SH3D19: variants seen among roughly 807,000 people sequenced by gnomAD.
SH3D19 encodes the protein SH3 domain-containing protein 19.
Under a neutral mutation model 112.1 loss-of-function variants are expected in SH3D19, and 58 were observed. The observed-to-expected ratio is 0.52, with a 90% CI of 0.42 to 0.64. The LOEUF is 0.64. Among genes scored for constraint, SH3D19 ranks in the 30% least tolerant of loss-of-function variants. The pLI is 0.00. For synonymous variants in SH3D19, 391 were observed against 448.5 expected (o/e 0.87, Z 1.62); for missense variants, 1,090 against 1,263.4 (o/e 0.86, Z 2.08).
chr4:151,302,899 A>G (rs1399820709), intron 1 of SH3D19, among the ~76,000 whole-genome samples: 1 of 152,194 alleles, frequency 6.6e-6, no homozygotes, highest in Non-Finnish European at 1.5e-5. Context: ...GGATAGCATT[A>G]GGAGATATAC....
At chr4:151,181,194 G>A (rs1342980283) in intron 3 of SH3D19, among the ~76,000 whole-genome samples, 1 of 152,122 alleles carries the variant, frequency 6.6e-6, no homozygotes, top group Non-Finnish European at 1.5e-5. Context: ...ATTTTAACCA[G>A]TTGCTTTCAT....
chr4:151,193,235 T>C, intron 2 of SH3D19, among the ~76,000 whole-genome samples: 1 of 152,106 alleles, frequency 6.6e-6, no homozygotes, highest in Admixed American at 6.6e-5. Flanking sequence ...GCACATCTTA[T>C]CAAAAGTGTC....
At chr4:151,161,655 T>C (rs1220604824) in intron 8 of SH3D19, among the ~76,000 whole-genome samples, 1 of 150,072 alleles carries the variant, frequency 6.7e-6, no homozygotes. Context: ...AATTATACTT[T>C]AAGTTCTAGG....
chr4:151,311,673 T>C (rs1729471590), intron 1 of SH3D19, among the ~76,000 whole-genome samples: 1 of 152,018 alleles, frequency 6.6e-6, no homozygotes, highest in Non-Finnish European at 1.5e-5. Flanking sequence ...ACCCTATCTC[T>C]ACAAAAAATT....
chr4:151,286,982 A>AATT (rs1554067296), intron 1 of SH3D19, among the ~76,000 whole-genome samples: 9 of 141,834 alleles, frequency 6.3e-5, no homozygotes, highest in Non-Finnish European at 1.2e-4. Context: ...TCTGTCTCAA[A>AATT]AATAATAATA....
intron 1 of SH3D19, among the ~76,000 whole-genome samples, chr4:151,280,805 G>A (rs1301848725): frequency 6.6e-6 from 1 of 151,066 alleles, no homozygotes; most frequent in Non-Finnish European, 1.5e-5. Context: ...AAAAAATTAA[G>A]TTTAAAAAAA....
intron 3 of SH3D19, among the ~76,000 whole-genome samples, chr4:151,180,694 CTG>C (rs1222298525): frequency 2.0e-5 from 3 of 150,974 alleles, no homozygotes; most frequent in Admixed American, 6.6e-5. Context: ...GTGTGAGCCA[CTG>C]CGCCCGACAC....
chr4:151,124,327 G>A (rs1748683321), intron 19 of SH3D19, among the ~76,000 whole-genome samples: 1 of 151,882 alleles, frequency 6.6e-6, no homozygotes, highest in Non-Finnish European at 1.5e-5. Context: ...GGCTGGTCTT[G>A]AACTCCCGAC....
At chr4:151,148,892 G>A (rs984146419) in intron 10 of SH3D19, among the ~76,000 whole-genome samples, 1 of 152,082 alleles carries the variant, frequency 6.6e-6, no homozygotes, top group East Asian at 1.9e-4. Flanking sequence ...ACAAAAATTA[G>A]CTGGGCATGG....
At chr4:151,281,176 T>C (rs116650547) in intron 1 of SH3D19, among the ~76,000 whole-genome samples, 1,749 of 152,234 alleles carry the variant, frequency 0.011, 33 homozygotes, top group African/African-American at 0.038. Flanking sequence ...AAGATAGTAT[T>C]GATAGAATGC....
intron 7 of SH3D19, among the ~76,000 whole-genome samples, chr4:151,166,953 C>T (rs1010841588): frequency 3.0e-4 from 45 of 152,104 alleles, no homozygotes; most frequent in African/African-American, 1.1e-3. Flanking sequence ...AGTAACAGTG[C>T]TGGGTGGGGA....
chr4:151,302,196 T>C (rs907188832), intron 1 of SH3D19, among the ~76,000 whole-genome samples: 2 of 152,210 alleles, frequency 1.3e-5, no homozygotes, highest in Admixed American at 1.3e-4. Context: ...TGCTTTGCTA[T>C]CTTTTTCCCA....
At chr4:151,194,336 A>G (rs1425144445) in intron 2 of SH3D19, among the ~76,000 whole-genome samples, 1 of 149,258 alleles carries the variant, frequency 6.7e-6, no homozygotes, top group Non-Finnish European at 1.5e-5. Flanking sequence ...CAGTAGGATT[A>G]ATTTTTATGA....
In SH3D19 at chr4:151,122,079, C is replaced by T. The variant is rs759912543; in HGVS notation, c.*12G>A. 2 of 1,340,786 alleles carry T rather than the reference C, an allele frequency of 1.5e-6. No individual in the cohort carries two copies. Among genetic ancestry groups the T allele is most frequent in the African/African-American group, 1.4e-5 (1 of 69,382 alleles). 83.1% of individuals were successfully genotyped at this position (1,340,786 alleles called of 1,614,324 possible). On this transcript the variant is annotated 3_prime_UTR_variant, in exon 20 of 20. Coordinates refer to ENST00000604030, the MANE Select transcript of SH3D19 (RefSeq NM_001378122.1). Reference sequence around the variant, plus strand: ...GAGTTCTTGTGCCAAGGAACACAGACAAGCTTCTCCTCTAGCTGATCTGTA... The same window carrying T: ...GAGTTCTTGTGCCAAGGAACACAGATAAGCTTCTCCTCTAGCTGATCTGTA...
chr4:151,203,885 A>T (rs1764731937), intron 2 of SH3D19, among the ~76,000 whole-genome samples: 1 of 152,218 alleles, frequency 6.6e-6, no homozygotes. Context: ...TGCTAATATT[A>T]AATTGCTGCA....
chr4:151,255,106 G>C (rs538699524), intron 1 of SH3D19, among the ~76,000 whole-genome samples: 2 of 150,938 alleles, frequency 1.3e-5, no homozygotes, highest in African/African-American at 4.9e-5. Flanking sequence ...CGGATGGGGC[G>C]GCTGGCCTGG....
chr4:151,160,674 CTT>C (rs1561255464), intron 8 of SH3D19, among the ~76,000 whole-genome samples: 1 of 84,656 alleles, frequency 1.2e-5, no homozygotes, highest in Non-Finnish European at 2.8e-5. Context: ...CACTCTGTCT[CTT>C]TCTCTCTCTT....
chr4:151,305,972 A>G (rs1173177480), intron 1 of SH3D19, among the ~76,000 whole-genome samples: 1 of 152,258 alleles, frequency 6.6e-6, no homozygotes, highest in Admixed American at 6.5e-5. Flanking sequence ...CTATTGATAT[A>G]GTAACAAAAT....
Position 151,122,067 on chromosome 4 carries a change from A to C in SH3D19, c.*24T>G. On this transcript the variant is annotated 3_prime_UTR_variant, in exon 20 of 20. Coordinates refer to ENST00000604030, the MANE Select transcript of SH3D19 (RefSeq NM_001378122.1). ...GATAGTTCAAGTGAGTTCTTGTGCC[A>C]AGGAACACAGACAAGCTTCTCCTCT... 1 of 1,208,026 alleles carries C rather than the reference A, an allele frequency of 8.3e-7. No individual in the cohort carries two copies. Among genetic ancestry groups the C allele is most frequent in the Non-Finnish European group, 1.2e-6 (1 of 818,052 alleles). 74.8% of individuals were successfully genotyped at this position (1,208,026 alleles called of 1,614,324 possible).
Sources: allele counts gnomAD v4.1 joint callset (sites outside exome capture counted in the v4.1 genomes callset), GRCh38; gene constraint gnomAD v4.1.1; transcripts MANE v1.5; gene names NCBI Gene and HGNC (gene_info 2026-07-23, HGNC 2026-07-21).